MTRFR: variants seen among roughly 807,000 people sequenced by gnomAD.
The protein encoded by MTRFR is mitochondrial translation release factor in rescue, also known as probable peptide chain release factor C12orf65, mitochondrial.
In MTRFR, 10 loss-of-function variants were observed where a neutral mutation model predicts 11.9. That is an observed-to-expected ratio of 0.84 (90% CI 0.52 to 1.42). MTRFR has a LOEUF of 1.42. Ranked by LOEUF, MTRFR falls within the 40% of genes most tolerant of loss-of-function variation. MTRFR has a pLI of 0.00. For synonymous variants in MTRFR, 77 were observed against 79.1 expected, an observed-to-expected ratio of 0.97 and a Z score of 0.14; for missense variants, 196 against 197.9, an observed-to-expected ratio of 0.99 and a Z score of 0.06.
intron 1 of MTRFR, among the ~76,000 whole-genome samples, chr12:123,234,625 G>C (rs1384204382): frequency 6.6e-6 from 1 of 152,128 alleles, no homozygotes; most frequent in African/African-American, 2.4e-5. Context: ...TCGAATTCCT[G>C]ACCTCAGGTC....
rs1465610404 is a variant in MTRFR at position 123,256,992 on chromosome 12, A to T, written c.462A>T (p.Leu154=). The T allele has an allele frequency of 4.3e-6, 7 of 1,612,528 alleles. No homozygotes were observed. The highest frequency in any genetic ancestry group is 3.4e-6 in the Non-Finnish European group (4 of 1,179,762). The change falls in exon 3 of 3, where the codon CTA becomes CTT. Residue 154 remains leucine, a synonymous_variant. Coordinates refer to ENST00000253233, the MANE Select transcript of MTRFR (RefSeq NM_152269.5). ...AGGAAACCCTGGAAAAAAAGAAGCT[A>T]CTTAAAGAACTGTGGGAGTCAAGTA... ...RAKETLEKKK[L]LKELWESSKK...
chr12:123,256,736 G>C, intron 2 of MTRFR, 77 bp from the exon 3 acceptor site: 1 of 1,129,278 alleles, frequency 8.9e-7, no homozygotes. Flanking sequence ...CGAACAGGTT[G>C]AATTTAATGA....
At chr12:123,240,342 C>T (rs1158744984) in intron 1 of MTRFR, among the ~76,000 whole-genome samples, 3 of 151,100 alleles carry the variant, frequency 2.0e-5, no homozygotes, top group Non-Finnish European at 4.4e-5. Flanking sequence ...ACGGAGACTC[C>T]GTCTAAAAAA....
In MTRFR at chr12:123,254,335, C is replaced by T. The variant is rs548200647; in HGVS notation, c.282+379C>T. ...AGCATGGTTCTTTCAAATCCGTTCC[C>T]ACTGCAGGAAGGCTGCCGAGATCCC... On this transcript the variant is annotated intron_variant, in intron 2 of 2. Transcript: ENST00000253233. The T allele has an allele frequency of 9.1e-5, 21 of 231,968 alleles. No homozygotes were observed. The East Asian group carries it at 2.1e-3, about 23-fold the overall frequency. 14.4% of individuals were successfully genotyped at this position (231,968 alleles called of 1,614,324 possible). A position where few individuals can be genotyped will look rare whatever the true frequency, so the allele number is the denominator to read the frequency against.
intron 2 of MTRFR, among the ~76,000 whole-genome samples, chr12:123,256,296 C>G (rs4759411): frequency 0.048 from 7,364 of 152,220 alleles, 323 homozygotes; most frequent in East Asian, 0.26. Context: ...TATTTGAAGG[C>G]CACTGTTGCT....
At chr12:123,252,768 T>C (rs745848993) in intron 1 of MTRFR, among the ~76,000 whole-genome samples, 7 of 151,836 alleles carry the variant, frequency 4.6e-5, no homozygotes, top group Non-Finnish European at 8.8e-5. Context: ...CTACTAAAAA[T>C]ACAAAAATTA....
rs1226975662 is a variant in MTRFR at position 123,256,986 on chromosome 12, G to T, written c.456G>T (p.Lys152Asn). 6.2e-7 allele frequency: 1 copy of T among 1,611,866 alleles called. No individual in the cohort carries two copies. The highest frequency in any genetic ancestry group is 8.5e-7 in the Non-Finnish European group (1 of 1,179,618). Residue 152 changes from lysine (K) to asparagine (N), a missense_variant, in exon 3 of 3, where the codon AAG (lysine) becomes AAT (asparagine). By Grantham distance (94) the Lys-to-Asn change is moderately conservative. Coordinates refer to ENST00000253233, the MANE Select transcript of MTRFR (RefSeq NM_152269.5). ...KKRAKETLEK[K>N]KLLKELWESS... ...GAGCAAAGGAAACCCTGGAAAAAAA[G>T]AAGCTACTTAAAGAACTGTGGGAGT...
At chr12:123,241,622 G>A (rs964396914) in intron 1 of MTRFR, among the ~76,000 whole-genome samples, 4 of 152,030 alleles carry the variant, frequency 2.6e-5, no homozygotes, top group African/African-American at 4.8e-5. Context: ...TTACAGGCAC[G>A]AACCACCATG....
intron 1 of MTRFR, among the ~76,000 whole-genome samples, chr12:123,245,889 C>A (rs2048032449): frequency 6.6e-6 from 1 of 151,748 alleles, no homozygotes; most frequent in African/African-American, 2.4e-5. Context: ...ATGTGGATGC[C>A]CTTTATTTCG....
intron 2 of MTRFR, 116 bp downstream of exon 2, chr12:123,254,072 G>A (rs2048152697): frequency 4.6e-6 from 6 of 1,295,208 alleles, no homozygotes; most frequent in Non-Finnish European, 6.4e-6. Flanking sequence ...TCTGGCTTGG[G>A]CCACCCTCTA....
chr12:123,245,418 A>G (rs964178408), intron 1 of MTRFR, among the ~76,000 whole-genome samples: 1 of 152,128 alleles, frequency 6.6e-6, no homozygotes, highest in Non-Finnish European at 1.5e-5. Context: ...TCCGTGAAGA[A>G]TGATGGTGGT....
intron 2 of MTRFR, 119 bp from the exon 3 acceptor site, chr12:123,256,694 C>A (rs1593289795): frequency 1.2e-6 from 1 of 838,524 alleles, no homozygotes; most frequent in Non-Finnish European, 1.9e-6. Flanking sequence ...GAAACTCTGT[C>A]TCAATAAATA....
intron 2 of MTRFR, among the ~76,000 whole-genome samples, chr12:123,256,099 G>A (rs1375808920): frequency 1.3e-5 from 2 of 152,086 alleles, no homozygotes; most frequent in South Asian, 2.1e-4. Flanking sequence ...GCTTTGCAAG[G>A]CACTCACCCT....
chr12:123,253,111 A>G (rs2048136428), intron 1 of MTRFR, among the ~76,000 whole-genome samples: 1 of 31,912 alleles, frequency 3.1e-5, no homozygotes, highest in African/African-American at 6.5e-5. Flanking sequence ...TTTTTTTGAG[A>G]CACTGTCTCG....
At chr12:123,237,216 G>A (rs2047865180) in intron 1 of MTRFR, among the ~76,000 whole-genome samples, 1 of 152,046 alleles carries the variant, frequency 6.6e-6, no homozygotes. Context: ...CAGGACTACG[G>A]GAGGCCAAGG....
At chr12:123,239,902 C>T (rs1376166148) in intron 1 of MTRFR, among the ~76,000 whole-genome samples, 1 of 152,110 alleles carries the variant, frequency 6.6e-6, no homozygotes, top group Non-Finnish European at 1.5e-5. Flanking sequence ...CACTCCTTTA[C>T]ACCTTCTCAG....
rs148657561 is a variant in MTRFR, at chr12:123,253,700, T to C, written c.26T>C (p.Phe9Ser). 1.5e-5 allele frequency: 25 copies of C among 1,614,068 alleles called. No homozygotes were observed. The highest frequency in any genetic ancestry group is 2.1e-5 in the Non-Finnish European group (25 of 1,180,028). ...ATGAGCACCGTGGGTTTATTTCATT[T>C]TCCTACACCACTGACCCGAATATGC... Reference protein sequence around the residue: MSTVGLFHFPTPLTRICPA... With the variant: MSTVGLFHSPTPLTRICPA... Residue 9 changes from phenylalanine to serine, a missense_variant, in exon 2 of 3, where the codon TTT (phenylalanine) becomes TCT (serine). Transcript: ENST00000253233.
chr12:123,253,551 T>C, intron 1 of MTRFR, 96 bp from the exon 2 acceptor site: 1 of 1,236,866 alleles, frequency 8.1e-7, no homozygotes, highest in South Asian at 1.3e-5. Flanking sequence ...TGGGTCATCA[T>C]TTGAATTGCT....
chr12:123,255,035 C>T (rs1281228039), intron 2 of MTRFR: 1 of 152,028 alleles, frequency 6.6e-6, no homozygotes, highest in African/African-American at 2.4e-5. Flanking sequence ...ATAGCCAAGG[C>T]AGGTGTTTCA....
Sources: gnomAD v4.1 joint callset for allele counts (sites outside exome capture counted in the v4.1 genomes callset) on GRCh38, gnomAD v4.1.1 for gene constraint, MANE v1.5 for transcripts, NCBI Gene and HGNC (gene_info 2026-07-23, HGNC 2026-07-21) for gene names.